FNDC3B: variants seen among roughly 807,000 people sequenced by gnomAD.
FNDC3B encodes fibronectin type III domain-containing protein 3B.
FNDC3B carries 12 observed loss-of-function variants against 151.5 expected under a neutral mutation model. That is an observed-to-expected ratio of 0.08 (90% CI 0.05 to 0.13). The LOEUF (loss-of-function observed/expected upper bound fraction) is 0.13, where lower values mean the gene tolerates loss of function less well. Among genes scored for constraint, FNDC3B ranks in the 10% least tolerant of loss-of-function variants. The pLI is 1.00. For missense variants in FNDC3B, 1,214 were observed against 1,505.3 expected (o/e 0.81, Z 3.20); for synonymous variants, 528 against 549.0 (o/e 0.96, Z 0.54).
chr3:172,319,193 G>T (rs1023980394), intron 11 of FNDC3B, among the ~76,000 whole-genome samples: 2 of 152,142 alleles, frequency 1.3e-5, no homozygotes, highest in African/African-American at 4.8e-5. Context: ...GCTTCTCATC[G>T]TGAGCTGGAA....
At chr3:172,304,520 A>T (rs1160548258) in intron 9 of FNDC3B, among the ~76,000 whole-genome samples, 2 of 152,080 alleles carry the variant, frequency 1.3e-5, no homozygotes, top group African/African-American at 4.8e-5. Context: ...AATGATGGGG[A>T]CTCTAGCGAA....
chr3:172,174,262 C>G (rs968453865), intron 3 of FNDC3B, among the ~76,000 whole-genome samples: 2 of 152,192 alleles, frequency 1.3e-5, no homozygotes, highest in Non-Finnish European at 2.9e-5. Flanking sequence ...GATTAAGTTT[C>G]CAAATACTGA....
At chr3:172,171,628 A>G (rs2092075032) in intron 3 of FNDC3B, among the ~76,000 whole-genome samples, 1 of 145,672 alleles carries the variant, frequency 6.9e-6, no homozygotes, top group African/African-American at 2.6e-5. Context: ...TGGAAAGTGC[A>G]GAGGCATCTC....
intron 3 of FNDC3B, among the ~76,000 whole-genome samples, chr3:172,209,269 C>T (rs1364905158): frequency 1.3e-5 from 2 of 152,140 alleles, no homozygotes; most frequent in African/African-American, 4.8e-5. Context: ...GGCGGGAGGG[C>T]TGTAGTGTTA....
chr3:172,327,633 T>C (rs1732424516), intron 11 of FNDC3B, among the ~76,000 whole-genome samples: 1 of 152,222 alleles, frequency 6.6e-6, no homozygotes, highest in Admixed American at 6.5e-5. Context: ...CTGGATCTCC[T>C]GACCTCGTGA....
At chr3:172,172,115 A>G (rs978966639) in intron 3 of FNDC3B, among the ~76,000 whole-genome samples, 5 of 152,180 alleles carry the variant, frequency 3.3e-5, no homozygotes, top group African/African-American at 1.2e-4. Flanking sequence ...CAGACACCCA[A>G]ACACCGAAAT....
chr3:172,349,159 C>A (rs1488113570), intron 21 of FNDC3B, among the ~76,000 whole-genome samples: 1 of 152,012 alleles, frequency 6.6e-6, no homozygotes, highest in Non-Finnish European at 1.5e-5. Context: ...AGCCAGGCAT[C>A]TGTAGTCCCA....
intron 3 of FNDC3B, among the ~76,000 whole-genome samples, chr3:172,224,743 T>G (rs532198625): frequency 6.6e-6 from 1 of 152,322 alleles, no homozygotes; most frequent in South Asian, 2.1e-4. Flanking sequence ...TGGTTTTTGT[T>G]CCAGCTGAGC....
At chr3:172,053,713 A>C (rs550658920) in intron 1 of FNDC3B, among the ~76,000 whole-genome samples, 2 of 149,402 alleles carry the variant, frequency 1.3e-5, no homozygotes, top group African/African-American at 4.9e-5. Flanking sequence ...CGGAGGTTGT[A>C]GTGAGCCGAG....
chr3:172,333,446 C>G (rs756469228), intron 14 of FNDC3B, among the ~76,000 whole-genome samples: 29 of 151,496 alleles, frequency 1.9e-4, no homozygotes, highest in Non-Finnish European at 2.8e-4. Context: ...CTCAGCCTCC[C>G]GAGTAGCTGG....
chr3:172,297,527 T>A (rs1049551009), intron 8 of FNDC3B, among the ~76,000 whole-genome samples: 1 of 152,076 alleles, frequency 6.6e-6, no homozygotes, highest in African/African-American at 2.4e-5. Flanking sequence ...CAGGCTGGAG[T>A]GCAGTGGCAC....
intron 16 of FNDC3B, among the ~76,000 whole-genome samples, chr3:172,340,024 A>T (rs493190): frequency 0.47 from 72,238 of 152,100 alleles, 18,423 homozygotes; most frequent in Non-Finnish European, 0.59. Flanking sequence ...CATGTAGTAA[A>T]AGGCTTTTGT....
At chr3:172,095,270 G>A (rs1719042850) in intron 1 of FNDC3B, among the ~76,000 whole-genome samples, 1 of 152,134 alleles carries the variant, frequency 6.6e-6, no homozygotes, top group Non-Finnish European at 1.5e-5. Flanking sequence ...GATCTACTAG[G>A]GATGTTTAGA....
At chr3:172,124,814 G>C (rs929114989) in intron 2 of FNDC3B, among the ~76,000 whole-genome samples, 1 of 152,230 alleles carries the variant, frequency 6.6e-6, no homozygotes, top group Non-Finnish European at 1.5e-5. Context: ...CCGAGGTGGA[G>C]GGAAGGATTA....
At position 172,156,695 on chromosome 3, in the gene FNDC3B, T is replaced by G. The variant is rs543260748; in HGVS notation, c.187+23149T>G. ...AAGTGGCTAGTGCTGAGTTTTGAAG[T>G]TTTTTTTTTTTTTTTTTCCCCACTG... On this transcript the variant is annotated intron_variant, in intron 3 of 25. Coordinates refer to ENST00000415807, the MANE Select transcript of FNDC3B (RefSeq NM_022763.4). Among the ~76,000 whole-genome samples the G allele has an allele frequency of 1.6e-3, 22 of 13,400 alleles. No individual in the cohort carries two copies. In the South Asian group the frequency reaches 0.026, roughly 16 times the overall value. The allele number at this position is 13,400 out of a possible 152,430, so 8.8% of individuals were successfully genotyped here.
At chr3:172,330,041 AG>A (rs11291368) in intron 12 of FNDC3B, 14,877 of 152,374 alleles carry the variant, frequency 0.098, 2,477 homozygotes, top group African/African-American at 0.34. Flanking sequence ...AGTGCTTTTG[AG>A]GGGGGAAAAT....
chr3:172,217,688 A>C (rs1378601229), intron 3 of FNDC3B, among the ~76,000 whole-genome samples: 1 of 152,188 alleles, frequency 6.6e-6, no homozygotes, highest in Non-Finnish European at 1.5e-5. Flanking sequence ...CAACTTGATA[A>C]AGTAGCTAAT....
intron 3 of FNDC3B, among the ~76,000 whole-genome samples, chr3:172,142,861 A>C (rs75391773): frequency 0.012 from 1,758 of 152,330 alleles, 46 homozygotes; most frequent in African/African-American, 0.04. Context: ...ATCCAAGATC[A>C]AGATACTAGC....
intron 14 of FNDC3B, among the ~76,000 whole-genome samples, chr3:172,333,415 G>A (rs548019188): frequency 1.0e-3 from 156 of 151,988 alleles, no homozygotes; most frequent in African/African-American, 3.7e-3. Flanking sequence ...TCTGCCTCCC[G>A]GGTTTAAGCA....
Sources: gnomAD v4.1 joint callset for allele counts (sites outside exome capture counted in the v4.1 genomes callset) on GRCh38, gnomAD v4.1.1 for gene constraint, MANE v1.5 for transcripts, NCBI Gene and HGNC (gene_info 2026-07-23, HGNC 2026-07-21) for gene names.